Variants in ATAD2B observed in about 807,000 individuals in gnomAD.
ATAD2B encodes the protein ATPase family AAA domain containing 2B.
Under a neutral mutation model 167.6 loss-of-function variants are expected in ATAD2B, and 40 were observed. The observed-to-expected ratio is 0.24, with a 90% CI of 0.19 to 0.31. The LOEUF is 0.31. Among genes scored for constraint, ATAD2B ranks in the 10% least tolerant of loss-of-function variants. The pLI, the probability that ATAD2B is intolerant of heterozygous loss-of-function variation, is 1.00. For missense variants in ATAD2B, 1,242 were observed against 1,757.2 expected (o/e 0.71, Z 5.24); for synonymous variants, 579 against 596.5 (o/e 0.97, Z 0.43).
chr2:23,722,334 C>T, the ATAD2B span, among the ~76,000 whole-genome samples: 10 of 151,976 alleles, frequency 6.6e-5, no homozygotes, highest in African/African-American at 2.2e-4. Context: ...AGAAAATAAA[C>T]ATAGATAACA....
At chr2:23,686,160 G>T in the ATAD2B span, among the ~76,000 whole-genome samples, 2 of 1,532 alleles carry the variant, frequency 1.3e-3, no homozygotes, top group African/African-American at 7.2e-3. Flanking sequence ...GGGTGGGGCA[G>T]ATGGCCCTCC....
intron 24 of ATAD2B, among the ~76,000 whole-genome samples, chr2:23,761,573 A>G (rs1219386807): frequency 6.6e-6 from 1 of 152,238 alleles, no homozygotes; most frequent in Admixed American, 6.5e-5. Context: ...TATACCAGAA[A>G]AACAGCATGT....
the ATAD2B span, among the ~76,000 whole-genome samples, chr2:23,713,870 G>A: frequency 3.3e-5 from 5 of 152,104 alleles, no homozygotes; most frequent in East Asian, 1.9e-4. Flanking sequence ...TCCACATTTC[G>A]GGTATTATTA....
At chr2:23,829,572 G>A (rs1217920643) in intron 14 of ATAD2B, among the ~76,000 whole-genome samples, 1 of 152,104 alleles carries the variant, frequency 6.6e-6, no homozygotes, top group Non-Finnish European at 1.5e-5. Context: ...ACAACATAGT[G>A]ACACCCTGTC....
chr2:23,679,490 T>C, the ATAD2B span, among the ~76,000 whole-genome samples: 15,115 of 152,132 alleles, frequency 0.099, 862 homozygotes, highest in Middle Eastern at 0.17. Context: ...ACAGGGTCAC[T>C]TCCACCACAT....
chr2:23,696,540 G>T, the ATAD2B span: 1 of 1,477,182 alleles, frequency 6.8e-7, no homozygotes, highest in Non-Finnish European at 9.0e-7. The surrounding 1 kb of genome is among the most constrained non-coding windows in gnomAD (Gnocchi z 5.5). Context: ...CAGGACAGGG[G>T]CATGCTCTTT....
chr2:23,788,348 G>T, intron 20 of ATAD2B, 164 bp downstream of exon 20: 1 of 724,932 alleles, frequency 1.4e-6, no homozygotes. Flanking sequence ...CCAATCTCAA[G>T]TCAGGTGAAC....
At chr2:23,702,798 G>A in the ATAD2B span, among the ~76,000 whole-genome samples, 3 of 151,930 alleles carry the variant, frequency 2.0e-5, no homozygotes, top group African/African-American at 7.2e-5. Context: ...GCTTCATCCA[G>A]CACGTTTCTC....
At chr2:23,754,880 G>A in intron 25 of ATAD2B, 106 bp from the exon 26 acceptor site, 3 of 1,170,772 alleles carry the variant, frequency 2.6e-6, no homozygotes, top group East Asian at 2.4e-5. Flanking sequence ...CTTTTGGAAT[G>A]AGGAAGGGTG....
At chr2:23,852,042 C>T (rs1440089507) in intron 13 of ATAD2B, among the ~76,000 whole-genome samples, 1 of 152,054 alleles carries the variant, frequency 6.6e-6, no homozygotes, top group Admixed American at 6.6e-5. Context: ...AATTTCTTGA[C>T]TTAGGTGAAA....
chr2:23,804,038 G>A (rs1683936472), intron 18 of ATAD2B, among the ~76,000 whole-genome samples: 2 of 152,100 alleles, frequency 1.3e-5, no homozygotes. Context: ...AAGCAAAAAG[G>A]AAGAACCAAA....
intron 13 of ATAD2B, among the ~76,000 whole-genome samples, chr2:23,856,952 T>C (rs995485296): frequency 1.3e-5 from 2 of 152,004 alleles, no homozygotes; most frequent in Non-Finnish European, 2.9e-5. Context: ...CTCACGCCTG[T>C]AATCTCGGCA....
chr2:23,861,268 T>C (rs1040051616), intron 12 of ATAD2B, among the ~76,000 whole-genome samples: 5 of 151,650 alleles, frequency 3.3e-5, no homozygotes, highest in African/African-American at 1.2e-4. Context: ...CATAACAGTC[T>C]AGTAAGATAG....
At chr2:23,735,178 C>A in the ATAD2B span, among the ~76,000 whole-genome samples, 1 of 152,222 alleles carries the variant, frequency 6.6e-6, no homozygotes, top group African/African-American at 2.4e-5. Context: ...TTCCACCATA[C>A]TCCCTTGTAT....
Position 23,773,037 on chromosome 2 carries a change from G to A in ATAD2B, c.3134-7409C>T, listed in dbSNP as rs545136034. ...GATTACAGGTGTGGGCCACTGTGCCGGGCCAAGGCATTGCTTTTTCATGTG... is the reference window on the plus strand; with the variant it reads ...GATTACAGGTGTGGGCCACTGTGCCAGGCCAAGGCATTGCTTTTTCATGTG... On this transcript the variant is annotated intron_variant, in intron 22 of 27. Coordinates refer to ENST00000238789, the MANE Select transcript of ATAD2B (RefSeq NM_017552.4). 1.1e-4 allele frequency among the ~76,000 whole-genome samples: 16 copies of A among 152,216 alleles called. No homozygotes were observed. The South Asian group carries it at 1.2e-3, about 12-fold the overall frequency.
At chr2:23,890,260 A>C (rs1445978943) in intron 2 of ATAD2B, among the ~76,000 whole-genome samples, 10 of 151,828 alleles carry the variant, frequency 6.6e-5, no homozygotes, top group Admixed American at 2.0e-4. Flanking sequence ...AACAAAAAAA[A>C]CCCTCATACT....
At chr2:23,764,473 TA>T (rs2149328091) in intron 23 of ATAD2B, among the ~76,000 whole-genome samples, 1 of 152,320 alleles carries the variant, frequency 6.6e-6, no homozygotes, top group African/African-American at 2.4e-5. Context: ...ATCTACAAGA[TA>T]AATCACAAGC....
At chr2:23,691,917 G>A in the ATAD2B span, 2 of 1,527,714 alleles carry the variant, frequency 1.3e-6, no homozygotes, top group South Asian at 1.2e-5. Flanking sequence ...GGGGAAGAGT[G>A]CAGATGGGCG....
At chr2:23,681,765 C>T in the ATAD2B span, among the ~76,000 whole-genome samples, 1 of 152,170 alleles carries the variant, frequency 6.6e-6, no homozygotes, top group Non-Finnish European at 1.5e-5. The surrounding 1 kb of genome is among the most constrained non-coding windows in gnomAD (Gnocchi z 4.2). Flanking sequence ...AGAATTCTGT[C>T]CCCTCCCCTA....
Sources: gnomAD v4.1 joint callset for allele counts (sites outside exome capture counted in the v4.1 genomes callset) on GRCh38, gnomAD v4.1.1 for gene constraint, Gnocchi (gnomAD v3.1) non-coding constraint, MANE v1.5 for transcripts, NCBI Gene and HGNC (gene_info 2026-07-23, HGNC 2026-07-21) for gene names.